CCDC171: variants seen among roughly 807,000 people sequenced by gnomAD.
CCDC171 encodes coiled-coil domain-containing protein 171.
In CCDC171, 177 loss-of-function variants were observed where a neutral mutation model predicts 168.2. The observed-to-expected ratio is 1.05, with a 90% confidence interval of 0.93 to 1.19. The LOEUF (loss-of-function observed/expected upper bound fraction) is 1.19. CCDC171 is among the 50% of genes most tolerant of loss of function. The pLI is 0.00. For synonymous variants in CCDC171, 687 were observed against 540.8 expected, an observed-to-expected ratio of 1.27 and a Z score of -3.75; for missense variants, 1,991 against 1,539.0, an observed-to-expected ratio of 1.29 and a Z score of -4.91.
intron 24 of CCDC171, chr9:15,875,645 A>C (rs756583786): frequency 6.6e-6 from 1 of 151,982 alleles, no homozygotes; most frequent in African/African-American, 2.4e-5. Context: ...ATTTTAGTTT[A>C]TGACCCTGTG....
chr9:15,703,918 A>T (rs2052003421), intron 11 of CCDC171, among the ~76,000 whole-genome samples: 1 of 152,206 alleles, frequency 6.6e-6, no homozygotes, highest in African/African-American at 2.4e-5. Context: ...TAATAACATT[A>T]AAGATCACTG....
intron 25 of CCDC171, among the ~76,000 whole-genome samples, chr9:15,960,219 A>G (rs1280210271): frequency 1.3e-5 from 2 of 152,182 alleles, no homozygotes. Context: ...ATTTCAACAG[A>G]TTATAATTTA....
chr9:15,877,549 G>A (rs1818018621), intron 24 of CCDC171, among the ~76,000 whole-genome samples: 2 of 152,034 alleles, frequency 1.3e-5, no homozygotes, highest in African/African-American at 4.8e-5. Flanking sequence ...CCATGGCATA[G>A]GATGTTCCAA....
chr9:15,957,147 A>AAG (rs1829880692), intron 25 of CCDC171, among the ~76,000 whole-genome samples: 1 of 152,028 alleles, frequency 6.6e-6, no homozygotes, highest in Non-Finnish European at 1.5e-5. Flanking sequence ...TACAGGCAAG[A>AAG]AGAGAAGTCG....
chr9:15,590,854 TTTTC>T (rs1319398589), intron 4 of CCDC171, among the ~76,000 whole-genome samples: 16 of 147,486 alleles, frequency 1.1e-4, no homozygotes, highest in South Asian at 6.5e-4. Flanking sequence ...TTTCTTTCTT[TTTTC>T]TTTCTTTCTT....
chr9:15,555,989 C>A (rs1337984104), intron 1 of CCDC171, among the ~76,000 whole-genome samples: 1 of 152,114 alleles, frequency 6.6e-6, no homozygotes, highest in South Asian at 2.1e-4. Context: ...TAGCTTTATC[C>A]ATCTCCCTAC....
rs547862571 is a variant in CCDC171, at chr9:15,882,044, T to C, written c.3600+7381T>C. On this transcript the variant is annotated intron_variant, in intron 24 of 25. Transcript: ENST00000380701. The stretch of plus-strand genomic sequence containing the variant: ...ACTGTTCTCCATAGTGCCTTACTAA[T>C]ATACATTCTCCCTAATAGTGTGCGA... Among the ~76,000 whole-genome samples the C allele has an allele frequency of 4.6e-5, 7 of 152,360 alleles. No homozygotes were observed. In the South Asian group the frequency reaches 1.0e-3, roughly 23 times the overall value.
rs1302327227 is a variant in CCDC171, at chr9:15,848,067, T to C, written c.3414-826T>C. ...CTTAGCCCAGGTAATTTCCAGTGAG[T>C]CTTATAGCACTGAGAAAATTCTGAG... On this transcript the variant is annotated intron_variant, in intron 22 of 25. Coordinates refer to ENST00000380701, the MANE Select transcript of CCDC171 (RefSeq NM_173550.4). Among the ~76,000 whole-genome samples the C allele has an allele frequency of 3.9e-5, 6 of 152,060 alleles. No individual in the cohort carries two copies. In the East Asian group the frequency reaches 1.2e-3, roughly 29 times the overall value.
intron 6 of CCDC171, among the ~76,000 whole-genome samples, chr9:16,034,428 G>A (rs978287422): frequency 8.5e-5 from 13 of 152,160 alleles, no homozygotes; most frequent in Non-Finnish European, 1.5e-4. Flanking sequence ...GTGGTAAACT[G>A]CCCTTTTTAC....
intron 11 of CCDC171, among the ~76,000 whole-genome samples, chr9:15,703,102 C>T (rs2051900056): frequency 6.6e-6 from 1 of 152,120 alleles, no homozygotes; most frequent in Non-Finnish European, 1.5e-5. Flanking sequence ...GACGGGGTTT[C>T]ACCATGTTAG....
chr9:16,055,261 A>C (rs1415595781), intron 1 of CCDC171, among the ~76,000 whole-genome samples: 2 of 152,108 alleles, frequency 1.3e-5, no homozygotes, highest in African/African-American at 4.8e-5. Context: ...TTTAGTTCTG[A>C]GATGCCCAGA....
intron 8 of CCDC171, among the ~76,000 whole-genome samples, chr9:15,660,241 G>T (rs2048214646): frequency 6.6e-6 from 1 of 152,204 alleles, no homozygotes; most frequent in African/African-American, 2.4e-5. Context: ...TTTTCTTTAA[G>T]ATCAGGTCAC....
intron 23 of CCDC171, among the ~76,000 whole-genome samples, chr9:15,871,245 G>A (rs570750266): frequency 6.6e-6 from 1 of 151,728 alleles, no homozygotes; most frequent in South Asian, 2.1e-4. Context: ...TTAAAAATGA[G>A]CTGTTAGGCG....
chr9:15,937,048 A>C (rs975745136), intron 25 of CCDC171, among the ~76,000 whole-genome samples: 5 of 152,118 alleles, frequency 3.3e-5, no homozygotes, highest in Non-Finnish European at 7.4e-5. Context: ...TTGTAAAAAC[A>C]GTAAGTTTTG....
At chr9:15,962,303 A>G (rs1304699907) in intron 25 of CCDC171, among the ~76,000 whole-genome samples, 1 of 152,198 alleles carries the variant, frequency 6.6e-6, no homozygotes, top group Non-Finnish European at 1.5e-5. Context: ...TTATAGCTAC[A>G]TAATTTTTCA....
chr9:15,815,077 T>G (rs965552269), intron 21 of CCDC171, among the ~76,000 whole-genome samples: 1 of 152,216 alleles, frequency 6.6e-6, no homozygotes, highest in Non-Finnish European at 1.5e-5. Context: ...CCCAGATGGT[T>G]CTTTTGTGTA....
chr9:15,870,243 G>A (rs2061978526), intron 23 of CCDC171, among the ~76,000 whole-genome samples: 1 of 151,654 alleles, frequency 6.6e-6, no homozygotes, highest in South Asian at 2.1e-4. Context: ...AAAAATAAAA[G>A]GAAGAAAGGG....
intron 10 of CCDC171, among the ~76,000 whole-genome samples, chr9:15,691,424 G>T (rs1327455283): frequency 6.7e-6 from 1 of 149,480 alleles, no homozygotes. Flanking sequence ...TTACCTGTGA[G>T]AATTGAATTA....
chr9:15,928,863 A>G (rs562955945), intron 25 of CCDC171, among the ~76,000 whole-genome samples: 5 of 151,664 alleles, frequency 3.3e-5, no homozygotes, highest in Non-Finnish European at 7.4e-5. Context: ...AGTTGTTTGT[A>G]TAGGAAACAG....
Sources: gnomAD v4.1 joint callset for allele counts (sites outside exome capture counted in the v4.1 genomes callset) on GRCh38, gnomAD v4.1.1 for gene constraint, MANE v1.5 for transcripts, NCBI Gene and HGNC (gene_info 2026-07-23, HGNC 2026-07-21) for gene names.